ZNF678: variants seen among roughly 807,000 people sequenced by gnomAD.
ZNF678 encodes the protein hypothetical protein MGC42493.
In ZNF678, 5 loss-of-function variants were observed where a neutral mutation model predicts 3.0. The ratio of observed to expected loss-of-function variants is 1.69; its 90% CI spans 0.88 to 3.56. The LOEUF (loss-of-function observed/expected upper bound fraction) is 3.56. Among genes scored for constraint, ZNF678 ranks in the 30% most tolerant of loss-of-function variants. The pLI is 0.00. For synonymous variants in ZNF678, 218 were observed against 199.6 expected, an observed-to-expected ratio of 1.09 and a Z score of -0.78; for missense variants, 593 against 605.0, an observed-to-expected ratio of 0.98 and a Z score of 0.21.
intron 1 of ZNF678, among the ~76,000 whole-genome samples, chr1:227,639,343 T>G (rs917542222): frequency 2.0e-5 from 3 of 152,202 alleles, no homozygotes; most frequent in Non-Finnish European, 4.4e-5. Context: ...CTCTGCCTGT[T>G]TTTGCCTTTT....
intron 1 of ZNF678, among the ~76,000 whole-genome samples, chr1:227,635,882 G>GAATCTTACA (rs1285608651): frequency 6.6e-6 from 1 of 152,086 alleles, no homozygotes; most frequent in Admixed American, 6.5e-5. Context: ...CCCAGGGAAA[G>GAATCTTACA]AATCTTACAT....
chr1:227,569,616 C>A (rs1438459929), intron 1 of ZNF678, among the ~76,000 whole-genome samples: 2 of 151,872 alleles, frequency 1.3e-5, no homozygotes, highest in East Asian at 1.9e-4. Context: ...TCTGTATAAA[C>A]AAAACTGATA....
rs1476480546 is a variant in ZNF678 at position 227,655,790 on chromosome 1, G to T, written c.1540G>T (p.Glu514Ter). ...TAAGTATAAGAGAATTTATACTGGA[G>T]AGGAACCTGACAAATGTAAAAAATG... is the stretch of plus-strand genomic sequence containing the variant. ...HSKYKRIYTG[E>*]EPDKCKKCGS... The change falls in exon 4 of 4, where the codon GAG becomes TAG. Residue 514 changes from glutamate to a stop codon, truncating the protein, a stop_gained. Coordinates refer to ENST00000343776, the MANE Select transcript of ZNF678 (RefSeq NM_001367909.1). LOFTEE classifies it low-confidence loss of function (END_TRUNC). 1.3e-6 allele frequency: 2 copies of T among 1,584,294 alleles called. No homozygotes were observed. Among genetic ancestry groups the T allele is most frequent in the East Asian group, 4.5e-5 (2 of 44,596 alleles).
At chr1:227,648,114 A>G (rs1406564843) in intron 2 of ZNF678, among the ~76,000 whole-genome samples, 3 of 152,200 alleles carry the variant, frequency 2.0e-5, no homozygotes, top group African/African-American at 7.2e-5. Flanking sequence ...TTTAAACTCT[A>G]TGCCCACATT....
At chr1:227,621,335 G>A (rs1326943799) in intron 1 of ZNF678, among the ~76,000 whole-genome samples, 3 of 152,216 alleles carry the variant, frequency 2.0e-5, no homozygotes, top group Non-Finnish European at 4.4e-5. Flanking sequence ...AACAATGTAG[G>A]CATAAGTACC....
chr1:227,637,577 C>T (rs1439213468), intron 1 of ZNF678, among the ~76,000 whole-genome samples: 2 of 151,988 alleles, frequency 1.3e-5, no homozygotes, highest in African/African-American at 2.4e-5. Flanking sequence ...TGCTGTTCAT[C>T]GGTATAGTTG....
intron 1 of ZNF678, among the ~76,000 whole-genome samples, chr1:227,641,107 C>T (rs957297332): frequency 1.3e-5 from 2 of 152,224 alleles, no homozygotes; most frequent in African/African-American, 4.8e-5. Flanking sequence ...GATGTGCATG[C>T]AGAGAGAGGC....
In ZNF678 at chr1:227,590,305, T is replaced by C. The variant is rs774890786; in HGVS notation, c.-164+26581T>C. On this transcript the variant is annotated intron_variant, in intron 1 of 3. Coordinates refer to ENST00000343776, the MANE Select transcript of ZNF678 (RefSeq NM_001367909.1). ...TATGTGCAGGCAGCAGTTGGTAAGG[T>C]TAAATTTTCTACAGACTTCTCTTTC... Among the ~76,000 whole-genome samples, 67 of 151,850 alleles carry C rather than the reference T, an allele frequency of 4.4e-4. 3 individuals carry two copies. The Middle Eastern group carries it at 0.024, about 55-fold the overall frequency.
downstream of ZNF678, among the ~76,000 whole-genome samples, chr1:227,664,924 CTG>C (rs979647951): frequency 3.9e-5 from 6 of 152,304 alleles, no homozygotes; most frequent in African/African-American, 1.4e-4. Context: ...CCTACGGAGA[CTG>C]GACGCAGTCA....
chr1:227,570,604 G>A (rs1300939723), intron 1 of ZNF678, among the ~76,000 whole-genome samples: 1 of 151,994 alleles, frequency 6.6e-6, no homozygotes, highest in Non-Finnish European at 1.5e-5. Flanking sequence ...GAATGGAGGG[G>A]ATTACTGTCA....
Position 227,660,628 on chromosome 1 carries a change from A to G in ZNF678, c.*4800A>G, listed in dbSNP as rs916388794. 8.5e-5 allele frequency: 13 copies of G among 152,190 alleles called. No individual in the cohort carries two copies. The highest frequency in any genetic ancestry group is 2.9e-4 in the African/African-American group (12 of 41,556). The allele number at this position is 152,190 out of a possible 1,614,324, so 9.4% of individuals were successfully genotyped here. Reference sequence around the variant, plus strand: ...ATTCTAAGTATTTTTAAAGTTTTCTATTTATAAGACTATGATATCTGCAAA... The same window carrying G: ...ATTCTAAGTATTTTTAAAGTTTTCTGTTTATAAGACTATGATATCTGCAAA... On this transcript the variant is annotated 3_prime_UTR_variant, in exon 4 of 4. Transcript: ENST00000343776.
intron 5 of ZNF678, among the ~76,000 whole-genome samples, chr1:227,667,753 A>G (rs1490778282): frequency 1.3e-5 from 2 of 152,226 alleles, no homozygotes; most frequent in Non-Finnish European, 1.5e-5. Context: ...TTTACTGTCA[A>G]TTATTTTGGG....
chr1:227,579,238 T>C (rs4379651), intron 1 of ZNF678, among the ~76,000 whole-genome samples: 116,314 of 151,832 alleles, frequency 0.77, 45,434 homozygotes, highest in East Asian at 0.91. Context: ...TTAGGAGTGG[T>C]GGGAGTCCCT....
rs568269196 is a variant in ZNF678, at chr1:227,660,167, T to A, written c.*4339T>A. 5.3e-5 allele frequency: 8 copies of A among 152,272 alleles called. No homozygotes were observed. The South Asian group carries it at 1.7e-3, about 32-fold the overall frequency. 9.4% of individuals were successfully genotyped at this position (152,272 alleles called of 1,614,324 possible). ...TTTTTAATGCCAGTATTGGACTGTT[T>A]CAGTTACTGTAGCTTTGCAGTATAT... On this transcript the variant is annotated 3_prime_UTR_variant, in exon 4 of 4. Transcript: ENST00000343776.
chr1:227,645,512 T>C (rs901432848), intron 1 of ZNF678, among the ~76,000 whole-genome samples: 17 of 152,366 alleles, frequency 1.1e-4, no homozygotes, highest in African/African-American at 3.1e-4. Flanking sequence ...ATCAATGTTT[T>C]ATATCCATTC....
At chr1:227,595,511 T>A (rs1357799400) in intron 1 of ZNF678, among the ~76,000 whole-genome samples, 1 of 152,182 alleles carries the variant, frequency 6.6e-6, no homozygotes, top group African/African-American at 2.4e-5. Flanking sequence ...TTTCCTGGTG[T>A]CATAGTACTC....
At chr1:227,614,751 T>G (rs1658102483) in intron 1 of ZNF678, among the ~76,000 whole-genome samples, 1 of 152,202 alleles carries the variant, frequency 6.6e-6, no homozygotes, top group African/African-American at 2.4e-5. Context: ...CCCTGGTGGT[T>G]GCTTTATGTC....
At chr1:227,597,334 A>G (rs189347218) in intron 1 of ZNF678, among the ~76,000 whole-genome samples, 4 of 152,224 alleles carry the variant, frequency 2.6e-5, no homozygotes, top group African/African-American at 7.2e-5. Flanking sequence ...TAAACCCACA[A>G]CCTTCCAGCG....
chr1:227,637,044 G>C (rs1161417275), intron 1 of ZNF678, among the ~76,000 whole-genome samples: 1 of 152,152 alleles, frequency 6.6e-6, no homozygotes, highest in Non-Finnish European at 1.5e-5. Context: ...TTAATAGTGT[G>C]TGTTTGTAGG....
Sources: gnomAD v4.1 joint callset for allele counts (sites outside exome capture counted in the v4.1 genomes callset) on GRCh38, gnomAD v4.1.1 for gene constraint, MANE v1.5 for transcripts, NCBI Gene and HGNC (gene_info 2026-07-23, HGNC 2026-07-21) for gene names.